Variants in HTR4 observed in about 807,000 individuals in gnomAD.
HTR4 encodes 5-hydroxytryptamine receptor 4, also known as 5-hydroxytryptamine (serotonin) receptor 4, G protein-coupled.
Under a neutral mutation model 36.8 loss-of-function variants are expected in HTR4, and 16 were observed. The observed-to-expected ratio is 0.43, with a 90% CI of 0.29 to 0.66. The LOEUF is 0.66. Ranked by LOEUF, HTR4 falls within the 30% of genes least tolerant of loss-of-function variation. The probability of loss-of-function intolerance (pLI) is 0.13; values close to 1 mark genes in which losing one functional copy is unlikely to be tolerated. For synonymous variants in HTR4, 189 were observed against 185.1 expected, an observed-to-expected ratio of 1.02 and a Z score of -0.17; for missense variants, 438 against 490.9, an observed-to-expected ratio of 0.89 and a Z score of 1.02.
downstream of HTR4, among the ~76,000 whole-genome samples, chr5:148,480,143 T>C (rs1047375702): frequency 6.6e-6 from 1 of 152,210 alleles, no homozygotes; most frequent in Non-Finnish European, 1.5e-5. Flanking sequence ...CATTTTTTCA[T>C]AGTGAACAAA....
intron 2 of HTR4, among the ~76,000 whole-genome samples, chr5:148,618,726 G>C (rs1350390863): frequency 2.0e-5 from 3 of 152,182 alleles, no homozygotes; most frequent in Admixed American, 1.3e-4. Context: ...CTATCAGGCT[G>C]CTCAACCTAT....
At chr5:148,615,621 G>A (rs1028962305) in intron 2 of HTR4, among the ~76,000 whole-genome samples, 1 of 150,910 alleles carries the variant, frequency 6.6e-6, no homozygotes, top group Non-Finnish European at 1.5e-5. Flanking sequence ...CATGGCACAT[G>A]TATACGTATG....
Position 148,461,877 on chromosome 5 carries a change from A to G in HTR4, c.1077-10605T>C, listed in dbSNP as rs1320648214. ...CACATTCTACATAAAACTTACCTTA[A>G]CAAATGTAAAAGAATAGAAATTACA... On this transcript the variant is annotated intron_variant, in intron 5 of 5. Transcript: ENST00000521530. 2.6e-5 allele frequency: 4 copies of G among 152,198 alleles called. No homozygotes were observed. The South Asian group carries it at 6.2e-4, about 24-fold the overall frequency. 9.4% of individuals were successfully genotyped at this position (152,198 alleles called of 1,614,324 possible).
chr5:148,573,145 T>C (rs1760745744), intron 2 of HTR4, among the ~76,000 whole-genome samples: 1 of 152,028 alleles, frequency 6.6e-6, no homozygotes. Flanking sequence ...GGGAAGATAC[T>C]GGAAGGTAGA....
intron 2 of HTR4, among the ~76,000 whole-genome samples, chr5:148,580,276 A>C (rs1332935562): frequency 6.6e-6 from 1 of 152,074 alleles, no homozygotes. Context: ...TTTTACTGAG[A>C]TACAACTGAT....
At chr5:148,550,051 AT>A in intron 3 of HTR4, 85 bp downstream of exon 3, 2 of 1,366,706 alleles carry the variant, frequency 1.5e-6, no homozygotes, top group African/African-American at 1.5e-5. Context: ...TTAATTACAA[AT>A]TCTAATAGAA....
At chr5:148,605,266 T>C (rs1335916439) in intron 2 of HTR4, among the ~76,000 whole-genome samples, 1 of 145,276 alleles carries the variant, frequency 6.9e-6, no homozygotes, top group African/African-American at 2.5e-5. Context: ...CTTTTTTTTT[T>C]TTTTTTTTTG....
chr5:148,615,688 A>G (rs1561652002), intron 2 of HTR4, among the ~76,000 whole-genome samples: 1 of 147,136 alleles, frequency 6.8e-6, no homozygotes, highest in African/African-American at 2.6e-5. Context: ...AATAATTAAA[A>G]AAATAAAGAA....
intron 2 of HTR4, among the ~76,000 whole-genome samples, chr5:148,635,267 A>G (rs968602586): frequency 2.0e-5 from 3 of 152,178 alleles, no homozygotes; most frequent in Admixed American, 1.3e-4. Context: ...GGTAAATGTG[A>G]GCCTAAAAAC....
chr5:148,486,364 A>G (rs899999401), intron 6 of HTR4, among the ~76,000 whole-genome samples: 11 of 152,094 alleles, frequency 7.2e-5, no homozygotes, highest in Non-Finnish European at 1.5e-4. Flanking sequence ...TGGCTTTAAC[A>G]CTCAGGAAGC....
At position 148,578,554 on chromosome 5, in the gene HTR4, C is replaced by T. The variant is rs17108447; in HGVS notation, c.27-28292G>A. On this transcript the variant is annotated intron_variant, in intron 2 of 6. Transcript: ENST00000377888. ...AATGCACTTCCCTCTTCAACAATAA[C>T]GAATTTTCCTGGAACTTAAGCATTT... Among the ~76,000 whole-genome samples the T allele has an allele frequency of 3.5e-3, 527 of 152,136 alleles. 5 individuals are homozygous for T. Among genetic ancestry groups the T allele is most frequent in the African/African-American group, 0.011 (454 of 41,544 alleles).
intron 1 of HTR4, among the ~76,000 whole-genome samples, chr5:148,650,123 T>C (rs1403876367): frequency 1.3e-5 from 2 of 152,192 alleles, no homozygotes; most frequent in Admixed American, 1.3e-4. Flanking sequence ...AATCACATCA[T>C]GATCATGTAA....
chr5:148,478,907 C>G (rs575234542), downstream of HTR4, among the ~76,000 whole-genome samples: 44 of 152,236 alleles, frequency 2.9e-4, no homozygotes, highest in African/African-American at 9.6e-4. Flanking sequence ...CATTGTTCCA[C>G]ACTCAGAAGA....
At chr5:148,468,954 T>A (rs898803094) in intron 5 of HTR4, among the ~76,000 whole-genome samples, 3 of 152,092 alleles carry the variant, frequency 2.0e-5, no homozygotes, top group African/African-American at 7.2e-5. Context: ...TGAAAAATCA[T>A]GTATTTACTT....
At chr5:148,527,686 C>T (rs1758349183) in intron 4 of HTR4, among the ~76,000 whole-genome samples, 1 of 151,904 alleles carries the variant, frequency 6.6e-6, no homozygotes, top group Non-Finnish European at 1.5e-5. Context: ...GTGATCTTGG[C>T]TCACTGCAAC....
intron 2 of HTR4, among the ~76,000 whole-genome samples, chr5:148,578,390 A>G (rs1761007553): frequency 6.6e-6 from 1 of 152,094 alleles, no homozygotes. Context: ...GGCATCCTGA[A>G]GAGTTATCTA....
chr5:148,575,847 C>T (rs1760876456), intron 2 of HTR4, among the ~76,000 whole-genome samples: 1 of 151,854 alleles, frequency 6.6e-6, no homozygotes, highest in African/African-American at 2.4e-5. Flanking sequence ...CTTGTCTCAC[C>T]ACTCCCATGC....
Position 148,464,898 on chromosome 5 carries a change from G to A in HTR4, c.1077-13626C>T, listed in dbSNP as rs558713016. ...ACGGAATATTATACTGTGCCAAATC[G>A]AAATGAGCTATCAAACCATGAACAG... On this transcript the variant is annotated intron_variant, in intron 5 of 5. Transcript: ENST00000521530. 2.8e-4 allele frequency among the ~76,000 whole-genome samples: 43 copies of A among 152,208 alleles called. 1 individual carries two copies. Among genetic ancestry groups the A allele is most frequent in the South Asian group, 2.5e-3 (12 of 4,824 alleles).
chr5:148,594,755 A>C (rs974322494), intron 2 of HTR4, among the ~76,000 whole-genome samples: 1 of 152,222 alleles, frequency 6.6e-6, no homozygotes, highest in Non-Finnish European at 1.5e-5. Flanking sequence ...TTCAAGGTCA[A>C]TTAGCCATGG....
Sources: gnomAD v4.1 joint callset for allele counts (sites outside exome capture counted in the v4.1 genomes callset) on GRCh38, gnomAD v4.1.1 for gene constraint, MANE v1.5 for transcripts, NCBI Gene and HGNC (gene_info 2026-07-23, HGNC 2026-07-21) for gene names.